Variants in NCAM2 observed in about 807,000 individuals in gnomAD.
The protein encoded by NCAM2 is neural cell adhesion molecule 2, also known as N-CAM-2.
Under a neutral mutation model 98.1 loss-of-function variants are expected in NCAM2, and 30 were observed. The ratio of observed to expected loss-of-function variants is 0.31; its 90% confidence interval spans 0.23 to 0.41. The LOEUF is 0.41. Among genes scored for constraint, NCAM2 ranks in the 10% least tolerant of loss-of-function variants. The pLI is 1.00. For synonymous variants in NCAM2, 368 were observed against 342.4 expected (o/e 1.07, Z -0.83); for missense variants, 867 against 1,005.8 (o/e 0.86, Z 1.87).
chr21:21,325,254 A>T (rs1168497593), intron 6 of NCAM2, among the ~76,000 whole-genome samples: 5 of 152,182 alleles, frequency 3.3e-5, no homozygotes, highest in African/African-American at 9.6e-5. Context: ...ATAGTGAAAA[A>T]TTATTTAAAA....
intron 9 of NCAM2, among the ~76,000 whole-genome samples, chr21:21,392,183 T>C (rs1357161052): frequency 1.3e-5 from 2 of 152,200 alleles, no homozygotes; most frequent in African/African-American, 2.4e-5. Context: ...CTCCAACTTA[T>C]AAGTGAGAAC....
At chr21:21,019,142 G>A (rs537252997) in intron 1 of NCAM2, among the ~76,000 whole-genome samples, 7 of 152,224 alleles carry the variant, frequency 4.6e-5, no homozygotes, top group Non-Finnish European at 1.0e-4. Context: ...TTTGGATCCT[G>A]TGGCCTAAAT....
At chr21:21,402,310 G>C (rs1383215572) in intron 9 of NCAM2, among the ~76,000 whole-genome samples, 1 of 152,052 alleles carries the variant, frequency 6.6e-6, no homozygotes, top group Admixed American at 6.6e-5. Flanking sequence ...CATTCCTGGG[G>C]GGAGGTCTAT....
chr21:21,153,447 A>G (rs2146723377), intron 1 of NCAM2, among the ~76,000 whole-genome samples: 1 of 152,060 alleles, frequency 6.6e-6, no homozygotes, highest in East Asian at 1.9e-4. Flanking sequence ...ACTGAATTAC[A>G]CACAACATAA....
At chr21:21,219,287 C>A (rs1398023593) in intron 1 of NCAM2, among the ~76,000 whole-genome samples, 2 of 152,030 alleles carry the variant, frequency 1.3e-5, no homozygotes, top group Admixed American at 6.6e-5. Flanking sequence ...TGAAAGCCAC[C>A]AAGATTGTGA....
Position 21,410,389 on chromosome 21 carries a change from T to G in NCAM2, c.1311T>G (p.Asp437Glu), listed in dbSNP as rs2145913061. 2.5e-6 allele frequency: 4 copies of G among 1,602,022 alleles called. No individual in the cohort carries two copies. The highest frequency in any genetic ancestry group is 1.7e-5 in the Admixed American group (1 of 58,838). The change falls in exon 10 of 18, where the codon GAT (aspartate) becomes GAG (glutamate). Residue 437 changes from aspartate to glutamate, a missense_variant. Asp to Glu is a conservative substitution (Grantham distance 45). Around this residue, in one of 5 missense-constraint regions of NCAM2, gnomAD observed 56 missense variants for 39.6 expected, o/e 1.41. Coordinates refer to ENST00000400546, the MANE Select transcript of NCAM2 (RefSeq NM_004540.5). Reference sequence around the variant, plus strand: ...CAGCATCAATTCACTGGAGAAGAGATAAATTAGTCTTACCTGCTAAAAACA... The same window carrying G: ...CAGCATCAATTCACTGGAGAAGAGAGAAATTAGTCTTACCTGCTAAAAACA... Reference protein sequence around the residue: ...NPPASIHWRRDKLVLPAKNTT... With the variant: ...NPPASIHWRREKLVLPAKNTT...
intron 1 of NCAM2, among the ~76,000 whole-genome samples, chr21:21,113,821 G>T (rs1172728119): frequency 1.3e-5 from 2 of 150,728 alleles, no homozygotes; most frequent in Non-Finnish European, 3.0e-5. Flanking sequence ...TCTTTTTTTT[G>T]ATTGGCCTCA....
intron 1 of NCAM2, among the ~76,000 whole-genome samples, chr21:21,231,283 T>A (rs1179324526): frequency 6.6e-6 from 1 of 151,330 alleles, no homozygotes; most frequent in Non-Finnish European, 1.5e-5. Flanking sequence ...CCTAATAAAT[T>A]GAACTTCTCT....
chr21:21,355,552 C>T (rs117270331), intron 8 of NCAM2, among the ~76,000 whole-genome samples: 8 of 137,550 alleles, frequency 5.8e-5, no homozygotes, highest in East Asian at 2.8e-4. Context: ...GAGGGAGGGA[C>T]GGAGGAAAGA....
chr21:21,151,299 G>C (rs2067441457), intron 1 of NCAM2, among the ~76,000 whole-genome samples: 2 of 151,956 alleles, frequency 1.3e-5, no homozygotes, highest in African/African-American at 4.8e-5. Context: ...ACTTCAAATT[G>C]TAAGGTACAT....
intron 1 of NCAM2, among the ~76,000 whole-genome samples, chr21:21,254,618 C>T (rs1213390569): frequency 1.3e-5 from 2 of 152,136 alleles, no homozygotes; most frequent in Admixed American, 1.3e-4. Context: ...ATCTTCTTAC[C>T]ATGCTAATGG....
intron 1 of NCAM2, among the ~76,000 whole-genome samples, chr21:21,151,858 A>G (rs1213977384): frequency 6.6e-6 from 1 of 151,880 alleles, no homozygotes; most frequent in East Asian, 1.9e-4. Context: ...TCTTTTGTGC[A>G]TTAAGTGACT....
intron 1 of NCAM2, among the ~76,000 whole-genome samples, chr21:21,256,182 G>T (rs927019855): frequency 6.6e-6 from 1 of 151,836 alleles, no homozygotes. Context: ...TGGCAAAACC[G>T]CATCTCTACT....
At position 21,468,857 on chromosome 21, in the gene NCAM2, A is replaced by G. The variant is rs1984065959; in HGVS notation, c.1896+74A>G. Reference sequence around the variant, plus strand: ...ATTGAGTTGCACTGAATTTATAAACATATCAGGAGAGAATGTGTATTTAGT... The same window carrying G: ...ATTGAGTTGCACTGAATTTATAAACGTATCAGGAGAGAATGTGTATTTAGT... On this transcript the variant is annotated intron_variant, in intron 14 of 17. Coordinates refer to ENST00000400546, the MANE Select transcript of NCAM2 (RefSeq NM_004540.5). The G allele has an allele frequency of 2.3e-6, 3 of 1,314,792 alleles. No homozygotes were observed. In the Middle Eastern group the frequency reaches 5.9e-4, roughly 260 times the overall value. 81.4% of individuals were successfully genotyped at this position (1,314,792 alleles called of 1,614,324 possible).
chr21:21,253,068 T>A (rs192091372), intron 1 of NCAM2, among the ~76,000 whole-genome samples: 8 of 152,300 alleles, frequency 5.3e-5, no homozygotes, highest in Admixed American at 4.6e-4. Flanking sequence ...TTCTCAATAA[T>A]TAGAAACCGA....
chr21:21,097,604 T>C (rs945226125), intron 1 of NCAM2, among the ~76,000 whole-genome samples: 16 of 151,586 alleles, frequency 1.1e-4, no homozygotes, highest in African/African-American at 3.9e-4. Flanking sequence ...CTGCACAAAC[T>C]TGTATACATA....
chr21:21,466,569 A>T lies in NCAM2; in HGVS notation c.1655-37A>T, dbSNP rs777886913. The T allele has an allele frequency of 4.4e-5, 63 of 1,438,624 alleles. 1 individual carries two copies. The highest frequency in any genetic ancestry group is 6.7e-5 in the Admixed American group (3 of 44,846). 89.1% of individuals were successfully genotyped at this position (1,438,624 alleles called of 1,614,324 possible). On this transcript the variant is annotated intron_variant, in intron 12 of 17. Coordinates refer to ENST00000400546, the MANE Select transcript of NCAM2 (RefSeq NM_004540.5). ...TGTCCAATTAGATATATATGTATAT[A>T]TATGTTTTATTTTGTTTTGTTTTGT...
intron 1 of NCAM2, among the ~76,000 whole-genome samples, chr21:21,128,652 G>A (rs1434806007): frequency 6.6e-6 from 1 of 152,084 alleles, no homozygotes; most frequent in Non-Finnish European, 1.5e-5. Flanking sequence ...ATTTGATTCT[G>A]AGTGAAATAT....
At chr21:21,126,236 T>TAAAAAAAAAAAAAAAAAAAAA (rs778070776) in intron 1 of NCAM2, among the ~76,000 whole-genome samples, 1 of 97,568 alleles carries the variant, frequency 1.0e-5, no homozygotes, top group African/African-American at 3.8e-5. Flanking sequence ...TCATGGAACA[T>TAAAAAAAAAAAAAAAAAAAAA]AAAAAAAAAA....
Sources: allele counts gnomAD v4.1 joint callset (sites outside exome capture counted in the v4.1 genomes callset), GRCh38; gene constraint gnomAD v4.1.1; regional missense constraint gnomAD v4.1.1; transcripts MANE v1.5; gene names NCBI Gene and HGNC (gene_info 2026-07-23, HGNC 2026-07-21).